The following PDE11A variants were observed in gnomAD, a reference collection of about 807,000 sequenced individuals.
PDE11A encodes dual 3',5'-cyclic-AMP and -GMP phosphodiesterase 11A.
In PDE11A, 100 loss-of-function variants were observed where a neutral mutation model predicts 100.5. That is an observed-to-expected ratio of 1.00 (90% CI 0.85 to 1.18). PDE11A has a LOEUF of 1.18. PDE11A is among the 50% of genes most tolerant of loss of function. PDE11A has a pLI of 0.00. For missense variants in PDE11A, 1,141 were observed against 1,152.6 expected (o/e 0.99, Z 0.15); for synonymous variants, 381 against 420.8 (o/e 0.91, Z 1.16).
At chr2:177,720,755 T>G (rs1053067565) in intron 12 of PDE11A, among the ~76,000 whole-genome samples, 1 of 152,218 alleles carries the variant, frequency 6.6e-6, no homozygotes, top group Non-Finnish European at 1.5e-5. Context: ...CAACCAAATA[T>G]TGATTTGGCA....
chr2:177,743,684 T>A lies in PDE11A; in HGVS notation c.1789-15512A>T, dbSNP rs557464305. ...GTTTCTTGTTGAATTCACACCCTTATAAGGCTTAGAGAGTTAACTAACTTG... is the reference window on the plus strand; with the variant it reads ...GTTTCTTGTTGAATTCACACCCTTAAAAGGCTTAGAGAGTTAACTAACTTG... On this transcript the variant is annotated intron_variant, in intron 10 of 19. Transcript: ENST00000286063. Among the ~76,000 whole-genome samples the A allele has an allele frequency of 2.0e-5, 3 of 152,316 alleles. No individual in the cohort carries two copies. In the East Asian group the frequency reaches 5.8e-4, roughly 29 times the overall value.
chr2:177,792,316 A>C (rs2082644585), intron 9 of PDE11A, among the ~76,000 whole-genome samples: 1 of 152,234 alleles, frequency 6.6e-6, no homozygotes. Context: ...TGTTTCTGAA[A>C]CCACTATAAT....
chr2:178,046,965 G>A (rs1168152254), intron 1 of PDE11A, among the ~76,000 whole-genome samples: 1 of 151,878 alleles, frequency 6.6e-6, no homozygotes, highest in African/African-American at 2.4e-5. Context: ...CTATTCCTAT[G>A]TCTAGGGCCT....
At chr2:178,049,569 A>G (rs574090065) in intron 1 of PDE11A, among the ~76,000 whole-genome samples, 80 of 152,330 alleles carry the variant, frequency 5.3e-4, no homozygotes, top group African/African-American at 1.6e-3. Context: ...TCACCTGGGA[A>G]GTGCAAGGGG....
Position 177,833,091 on chromosome 2 carries a change from C to T in PDE11A, c.1500+7160G>A, listed in dbSNP as rs2083337443. ...CTGCCTAACGCCCCTCAGTCAAATT[C>T]TTTCTTCTGAGGAGGCAAGAATTGA... On this transcript the variant is annotated intron_variant, in intron 6 of 19. Coordinates refer to ENST00000286063, the MANE Select transcript of PDE11A (RefSeq NM_016953.4). 2.0e-5 allele frequency among the ~76,000 whole-genome samples: 3 copies of T among 152,034 alleles called. No homozygotes were observed. The South Asian group carries it at 6.2e-4, about 32-fold the overall frequency.
intron 2 of PDE11A, among the ~76,000 whole-genome samples, chr2:177,972,520 C>G (rs1232395429): frequency 6.6e-6 from 1 of 152,052 alleles, no homozygotes; most frequent in Non-Finnish European, 1.5e-5. Context: ...GATGTTTATC[C>G]TTCAAGGAAA....
At chr2:177,705,550 A>C (rs2081265881) in intron 13 of PDE11A, among the ~76,000 whole-genome samples, 1 of 152,228 alleles carries the variant, frequency 6.6e-6, no homozygotes, top group Non-Finnish European at 1.5e-5. Context: ...AAGAAAAGTC[A>C]AGGTGGAAAT....
intron 19 of PDE11A, among the ~76,000 whole-genome samples, chr2:177,632,103 A>T (rs902432485): frequency 1.3e-5 from 2 of 152,210 alleles, no homozygotes; most frequent in Admixed American, 1.3e-4. Flanking sequence ...ATAGGACACT[A>T]GCCTGCCATA....
At chr2:177,981,234 T>C (rs1378191759) in intron 2 of PDE11A, among the ~76,000 whole-genome samples, 1 of 150,648 alleles carries the variant, frequency 6.6e-6, no homozygotes, top group Non-Finnish European at 1.5e-5. Flanking sequence ...CAGAAAGTAC[T>C]AGCTCAATAT....
chr2:177,789,697 G>A (rs1286589434), intron 9 of PDE11A, among the ~76,000 whole-genome samples: 6 of 152,066 alleles, frequency 3.9e-5, no homozygotes, highest in African/African-American at 1.4e-4. Flanking sequence ...AAAGTCTCAG[G>A]ATACAAAATC....
intron 2 of PDE11A, among the ~76,000 whole-genome samples, chr2:177,994,718 G>A (rs1002264670): frequency 7.9e-5 from 12 of 152,092 alleles, no homozygotes; most frequent in African/African-American, 2.9e-4. Context: ...GAAGCAGTTT[G>A]GTTTCCCATT....
intron 4 of PDE11A, among the ~76,000 whole-genome samples, chr2:177,892,581 G>A (rs1237219553): frequency 6.6e-6 from 1 of 152,182 alleles, no homozygotes; most frequent in Non-Finnish European, 1.5e-5. Flanking sequence ...AGCCACTTCA[G>A]GTTTTCTCAG....
chr2:177,637,757 T>G (rs2105441893), intron 19 of PDE11A, among the ~76,000 whole-genome samples: 1 of 151,212 alleles, frequency 6.6e-6, no homozygotes, highest in African/African-American at 2.4e-5. Flanking sequence ...GCCATTGGCA[T>G]TGTCTCACAG....
intron 2 of PDE11A, among the ~76,000 whole-genome samples, chr2:178,010,180 G>A (rs7573622): frequency 0.33 from 49,486 of 152,112 alleles, 10,084 homozygotes; most frequent in East Asian, 0.55. Context: ...AGGTCACTCA[G>A]TTAATAAGCA....
intron 1 of PDE11A, among the ~76,000 whole-genome samples, chr2:178,051,564 A>C (rs1014223821): frequency 6.6e-6 from 1 of 152,208 alleles, no homozygotes; most frequent in African/African-American, 2.4e-5. Context: ...AGACTGGCAA[A>C]TTGGATAAAG....
intron 2 of PDE11A, among the ~76,000 whole-genome samples, chr2:177,970,150 G>C (rs2085752246): frequency 6.6e-6 from 1 of 152,162 alleles, no homozygotes; most frequent in South Asian, 2.1e-4. Flanking sequence ...TTTGTCCAGA[G>C]ACTCGAGAAG....
chr2:177,941,095 C>T (rs998511190), intron 2 of PDE11A, among the ~76,000 whole-genome samples: 4 of 152,170 alleles, frequency 2.6e-5, no homozygotes, highest in African/African-American at 7.2e-5. Flanking sequence ...TGCCAGCACT[C>T]GTTCAATCCC....
intron 2 of PDE11A, among the ~76,000 whole-genome samples, chr2:177,930,035 A>G (rs1435824161): frequency 6.6e-6 from 1 of 152,226 alleles, no homozygotes; most frequent in African/African-American, 2.4e-5. Context: ...TTTTGTCAGT[A>G]TCTGTATGTG....
chr2:177,786,086 C>G (rs1241464919), intron 9 of PDE11A, among the ~76,000 whole-genome samples: 1 of 152,208 alleles, frequency 6.6e-6, no homozygotes, highest in Non-Finnish European at 1.5e-5. Context: ...ACTGCCTCGT[C>G]AAGTGGGTCC....
Sources: gnomAD v4.1 joint callset for allele counts (sites outside exome capture counted in the v4.1 genomes callset) on GRCh38, gnomAD v4.1.1 for gene constraint, MANE v1.5 for transcripts, NCBI Gene and HGNC (gene_info 2026-07-23, HGNC 2026-07-21) for gene names.